CNTN5: variants seen among roughly 807,000 people sequenced by gnomAD.
The protein encoded by CNTN5 is contactin 5.
Under a neutral mutation model 129.1 loss-of-function variants are expected in CNTN5, and 77 were observed. The ratio of observed to expected loss-of-function variants is 0.60; its 90% CI spans 0.50 to 0.72. CNTN5 has a LOEUF of 0.72. CNTN5 is among the 30% of genes least tolerant of loss of function. The probability of loss-of-function intolerance (pLI) is 0.00; values close to 1 mark genes in which losing one functional copy is unlikely to be tolerated. For missense variants in CNTN5, 1,478 were observed against 1,328.8 expected, an observed-to-expected ratio of 1.11 and a Z score of -1.75; for synonymous variants, 509 against 465.6, an observed-to-expected ratio of 1.09 and a Z score of -1.20.
At chr11:100,131,107 A>G (rs371259473) in intron 13 of CNTN5, among the ~76,000 whole-genome samples, 17 of 137,988 alleles carry the variant, frequency 1.2e-4, no homozygotes, top group African/African-American at 5.1e-4. Context: ...AAAATTAAGC[A>G]CGGGAGTTAT....
intron 15 of CNTN5, among the ~76,000 whole-genome samples, chr11:100,220,767 A>G (rs1230913377): frequency 1.4e-4 from 22 of 152,218 alleles, no homozygotes; most frequent in Admixed American, 1.3e-3. Flanking sequence ...TGAATATCTA[A>G]TAAGTGGTAG....
intron 1 of CNTN5, among the ~76,000 whole-genome samples, chr11:99,183,675 T>C (rs1368304612): frequency 6.6e-6 from 1 of 152,120 alleles, no homozygotes; most frequent in Admixed American, 6.6e-5. Flanking sequence ...TTCCTTGACA[T>C]ACCATTTGCT....
At chr11:99,155,389 G>T (rs1860283416) in intron 1 of CNTN5, among the ~76,000 whole-genome samples, 1 of 152,124 alleles carries the variant, frequency 6.6e-6, no homozygotes, top group South Asian at 2.1e-4. Flanking sequence ...TGTCATATGA[G>T]TGTATTACTG....
intron 2 of CNTN5, among the ~76,000 whole-genome samples, chr11:99,513,663 T>C (rs1946929205): frequency 6.6e-6 from 1 of 151,984 alleles, no homozygotes; most frequent in Non-Finnish European, 1.5e-5. Context: ...AAAGCTTGAA[T>C]GACAGTTCAC....
intron 1 of CNTN5, among the ~76,000 whole-genome samples, chr11:99,127,794 T>A (rs1337890951): frequency 2.0e-5 from 3 of 152,158 alleles, no homozygotes; most frequent in African/African-American, 4.8e-5. Context: ...TTTAGGGCTG[T>A]GTGAGGTATT....
intron 3 of CNTN5, among the ~76,000 whole-genome samples, chr11:99,650,338 G>T (rs988087976): frequency 4.6e-5 from 7 of 151,780 alleles, no homozygotes; most frequent in Admixed American, 4.6e-4. Context: ...TGGTAGGCAT[G>T]AACTCTAAGC....
chr11:100,094,919 A>G (rs1290370389), intron 13 of CNTN5, among the ~76,000 whole-genome samples: 1 of 152,150 alleles, frequency 6.6e-6, no homozygotes, highest in Non-Finnish European at 1.5e-5. Flanking sequence ...GTATAAGTAG[A>G]GACACTAGTA....
intron 9 of CNTN5, among the ~76,000 whole-genome samples, chr11:100,037,759 G>A (rs1290282295): frequency 1.3e-5 from 2 of 152,090 alleles, no homozygotes; most frequent in Non-Finnish European, 2.9e-5. Context: ...TTTGTGTAGA[G>A]GTGTTTATAG....
rs995208395 is a variant in CNTN5 at position 99,149,951 on chromosome 11, T to C, written c.-210+128681T>C. On this transcript the variant is annotated intron_variant, in intron 1 of 24. Transcript: ENST00000524871. ...TAAAGGAGGCCAGGAGTATTGTATA[T>C]TGCTATTCACTTAGATCTTTAGAGC... is the stretch of plus-strand genomic sequence containing the variant. Among the ~76,000 whole-genome samples the C allele has an allele frequency of 7.9e-5, 12 of 152,212 alleles. 1 individual carries two copies. The highest frequency in any genetic ancestry group is 1.2e-4 in the Non-Finnish European group (8 of 67,960).
chr11:99,541,971 A>G lies in CNTN5; in HGVS notation c.-70-14174A>G, dbSNP rs923953636. Among the ~76,000 whole-genome samples, 346 of 115,324 alleles carry G rather than the reference A, an allele frequency of 3.0e-3. 1 individual carries two copies. Among genetic ancestry groups the G allele is most frequent in the African/African-American group, 0.01 (326 of 31,328 alleles). The allele number at this position is 115,324 out of a possible 152,430, so 75.7% of individuals were successfully genotyped here. A position where few individuals can be genotyped will look rare whatever the true frequency, so the allele number is the denominator to read the frequency against. On this transcript the variant is annotated intron_variant, in intron 2 of 24. Transcript: ENST00000524871. ...GATCTTGTCTCAAAAAAAAAAAAAA[A>G]AAAAAAAAGAAAAGAAAAGAAAGAA...
chr11:99,845,301 A>C, intron 6 of CNTN5, 39 bp downstream of exon 6: 1 of 1,220,958 alleles, frequency 8.2e-7, no homozygotes, highest in Non-Finnish European at 1.1e-6. Context: ...ATATGTATAT[A>C]GTGTGTATAT....
intron 21 of CNTN5, among the ~76,000 whole-genome samples, chr11:100,321,399 T>G (rs1351845961): frequency 6.6e-6 from 1 of 151,998 alleles, no homozygotes; most frequent in Non-Finnish European, 1.5e-5. Flanking sequence ...TGTATGTTGA[T>G]TTTTTTATCT....
At chr11:99,794,053 T>C (rs1191677995) in intron 3 of CNTN5, among the ~76,000 whole-genome samples, 2 of 152,184 alleles carry the variant, frequency 1.3e-5, no homozygotes, top group South Asian at 2.1e-4. Flanking sequence ...TATCTGCATC[T>C]CTCCATAGGT....
intron 9 of CNTN5, among the ~76,000 whole-genome samples, chr11:100,031,178 A>G (rs940914881): frequency 3.3e-5 from 5 of 152,210 alleles, no homozygotes. Context: ...CATAGGGTCA[A>G]CCATGAGCAC....
intron 8 of CNTN5, among the ~76,000 whole-genome samples, chr11:99,976,297 A>G (rs1018793439): frequency 6.6e-6 from 1 of 152,212 alleles, no homozygotes; most frequent in African/African-American, 2.4e-5. Flanking sequence ...TTCTAAGCAC[A>G]TGGTGCAAAC....
chr11:100,207,262 C>T (rs766329122), intron 15 of CNTN5, among the ~76,000 whole-genome samples: 1 of 152,060 alleles, frequency 6.6e-6, no homozygotes, highest in Non-Finnish European at 1.5e-5. Flanking sequence ...AGCAGAAAAG[C>T]TTGTTCTTAC....
At chr11:100,116,170 A>G (rs1046352768) in intron 13 of CNTN5, among the ~76,000 whole-genome samples, 3 of 152,038 alleles carry the variant, frequency 2.0e-5, no homozygotes, top group Non-Finnish European at 2.9e-5. Context: ...CACATATGAG[A>G]TCCATCAGTA....
At chr11:99,382,873 T>TTTTTTTTTTTTTTTTTTTTTTTTTTTTTC (rs1940678150) in intron 2 of CNTN5, among the ~76,000 whole-genome samples, 1 of 139,896 alleles carries the variant, frequency 7.1e-6, no homozygotes. Context: ...TTTTTTTTTT[T>TTTTTTTTTTTTTTTTTTTTTTTTTTTTTC]TTAGACAGAG....
chr11:99,819,555 T>A lies in CNTN5; in HGVS notation c.67T>A (p.Ser23Thr), dbSNP rs10790978. The change falls in exon 4 of 25, where the codon TCT becomes ACT. Residue 23 changes from serine to threonine, a missense_variant. By Grantham distance (58) the Ser-to-Thr change is moderately conservative (BLOSUM62 1). Transcript: ENST00000524871. ...VTMCLSEYSK[S>T]LPGLSTSYAA... ...TTTTTCTCTTACAGAGTATTCAAAA[T>A]CTCTTCCTGGTCTCTCCACTTCATA... The A allele has an allele frequency of 1.3e-6, 2 of 1,596,292 alleles. No homozygotes were observed. The highest frequency in any genetic ancestry group is 1.7e-6 in the Non-Finnish European group (2 of 1,166,632).
Sources: allele counts gnomAD v4.1 joint callset (sites outside exome capture counted in the v4.1 genomes callset), GRCh38; gene constraint gnomAD v4.1.1; transcripts MANE v1.5; gene names NCBI Gene and HGNC (gene_info 2026-07-23, HGNC 2026-07-21).